COL8A1: variants seen among roughly 807,000 people sequenced by gnomAD.
The protein encoded by COL8A1 is collagen alpha-1(VIII) chain.
Under a neutral mutation model 42.7 loss-of-function variants are expected in COL8A1, and 21 were observed. The observed-to-expected ratio is 0.49, with a 90% CI of 0.35 to 0.71. The LOEUF (loss-of-function observed/expected upper bound fraction) is 0.71, where lower values mean the gene tolerates loss of function less well. COL8A1 is among the 30% of genes least tolerant of loss of function. The probability of loss-of-function intolerance (pLI) is 0.01; values close to 1 mark genes in which losing one functional copy is unlikely to be tolerated. For synonymous variants in COL8A1, 367 were observed against 369.1 expected, an observed-to-expected ratio of 0.99 and a Z score of 0.06; for missense variants, 788 against 962.4, an observed-to-expected ratio of 0.82 and a Z score of 2.40.
chr3:99,659,257 C>T (rs1938126474), intron 1 of COL8A1, among the ~76,000 whole-genome samples: 1 of 152,186 alleles, frequency 6.6e-6, no homozygotes, highest in Non-Finnish European at 1.5e-5. Flanking sequence ...GAAGTTTCAA[C>T]AAGGGTCATG....
intron 2 of COL8A1, among the ~76,000 whole-genome samples, chr3:99,788,677 TAAAG>T (rs1941941861): frequency 6.6e-6 from 1 of 152,170 alleles, no homozygotes; most frequent in South Asian, 2.1e-4. Flanking sequence ...ATGAAGAACT[TAAAG>T]AAATTTGTTT....
chr3:99,654,843 AT>A, intron 1 of COL8A1, among the ~76,000 whole-genome samples: 1 of 152,140 alleles, frequency 6.6e-6, no homozygotes, highest in East Asian at 1.9e-4. Context: ...AGTGGAAGAT[AT>A]TTTAGTTCAT....
chr3:99,795,152 G>A lies in COL8A1; in HGVS notation c.1251G>A (p.Gly417=). ...IGFPGPKGEG[G]IVGPQGPPGP... ...TTCCTGGACCCAAAGGAGAAGGTGGGATTGTAGGGCCACAGGGGCCACCAG... is the reference window on the plus strand; with the variant it reads ...TTCCTGGACCCAAAGGAGAAGGTGGAATTGTAGGGCCACAGGGGCCACCAG... Residue 417 remains glycine, a synonymous_variant, in exon 4 of 4, where the codon GGG becomes GGA. Transcript: ENST00000652472. 6.2e-6 allele frequency: 10 copies of A among 1,613,746 alleles called. No individual in the cohort carries two copies. The highest frequency in any genetic ancestry group is 8.5e-6 in the Non-Finnish European group (10 of 1,179,818).
At chr3:99,766,494 T>C (rs1171198375) in intron 2 of COL8A1, among the ~76,000 whole-genome samples, 2 of 152,270 alleles carry the variant, frequency 1.3e-5, no homozygotes, top group Non-Finnish European at 2.9e-5. Flanking sequence ...TTTTATATTC[T>C]TTCCTCATTA....
intron 2 of COL8A1, among the ~76,000 whole-genome samples, chr3:99,770,367 G>A (rs1323914435): frequency 6.6e-6 from 1 of 152,128 alleles, no homozygotes; most frequent in Non-Finnish European, 1.5e-5. Flanking sequence ...GTATGCCAAG[G>A]TATCATATTG....
intron 1 of COL8A1, among the ~76,000 whole-genome samples, chr3:99,697,089 C>T (rs964531035): frequency 6.8e-6 from 1 of 147,638 alleles, no homozygotes; most frequent in South Asian, 2.2e-4. Flanking sequence ...CGGGTTCACG[C>T]CATTCTCCTG....
rs1460265597 is a variant in COL8A1, at chr3:99,797,233, T to C, written c.*1097T>C. ...TTTGAGGACATTTCTCTGTTTAGCA[T>C]GTATGCAAACTGATATGTAATCTGA... On this transcript the variant is annotated 3_prime_UTR_variant, in exon 4 of 4. Transcript: ENST00000652472. 6.6e-6 allele frequency: 1 copy of C among 152,226 alleles called. No homozygotes were observed. Among genetic ancestry groups the C allele is most frequent in the Non-Finnish European group, 1.5e-5 (1 of 68,038 alleles). 9.4% of individuals were successfully genotyped at this position (152,226 alleles called of 1,614,324 possible).
intron 1 of COL8A1, chr3:99,678,750 T>C (rs1938777279): frequency 6.6e-6 from 1 of 152,198 alleles, no homozygotes; most frequent in East Asian, 1.9e-4. Flanking sequence ...CAAAAATAGT[T>C]ACTAATGTTG....
At position 99,795,507 on chromosome 3, in the gene COL8A1, G is replaced by A. The variant is rs1175177004; in HGVS notation, c.1606G>A (p.Gly536Arg). 2 of 1,588,742 alleles carry A rather than the reference G, an allele frequency of 1.3e-6. No individual in the cohort carries two copies. The highest frequency in any genetic ancestry group is 8.6e-7 in the Non-Finnish European group (1 of 1,167,810). The change falls in exon 4 of 4, where the codon GGA becomes AGA. Residue 536 changes from glycine (G) to arginine (R), a missense_variant. Around this residue, in one of 4 missense-constraint regions of COL8A1, gnomAD observed 154 missense variants for 182.3 expected, o/e 0.84. Coordinates refer to ENST00000652472, the MANE Select transcript of COL8A1 (RefSeq NM_020351.4). ...PPGFPGIGKP[G>R]VAGLHGPPGK... ...TGGGTTCCCTGGTATAGGGAAACCC[G>A]GAGTGGCAGGACTTCATGGCCCCCC... is the stretch of plus-strand genomic sequence containing the variant.
At chr3:99,707,664 T>C (rs529248042) in intron 1 of COL8A1, among the ~76,000 whole-genome samples, 2 of 152,274 alleles carry the variant, frequency 1.3e-5, no homozygotes, top group East Asian at 3.9e-4. Context: ...CCTGCCGAAC[T>C]TGGGGCACTT....
At chr3:99,664,913 T>A (rs1005227505) in intron 1 of COL8A1, among the ~76,000 whole-genome samples, 9 of 152,206 alleles carry the variant, frequency 5.9e-5, no homozygotes, top group African/African-American at 2.2e-4. Flanking sequence ...GCCTCTCCAC[T>A]GCATTTTTCC....
intron 1 of COL8A1, among the ~76,000 whole-genome samples, chr3:99,686,254 T>G (rs974113488): frequency 6.6e-6 from 1 of 152,246 alleles, no homozygotes; most frequent in Non-Finnish European, 1.5e-5. Context: ...TATAATTTAC[T>G]ACAATACACT....
chr3:99,642,059 TGAA>T, intron 1 of COL8A1, among the ~76,000 whole-genome samples: 1 of 152,308 alleles, frequency 6.6e-6, no homozygotes, highest in East Asian at 1.9e-4. Context: ...AAGAATATAA[TGAA>T]GAAGATCTTC....
chr3:99,759,485 C>T (rs761638593), intron 2 of COL8A1, among the ~76,000 whole-genome samples: 17 of 152,256 alleles, frequency 1.1e-4, no homozygotes, highest in Admixed American at 2.0e-4. Flanking sequence ...GGGAAAACTA[C>T]ATAAGGGCTA....
At chr3:99,755,095 G>A (rs1191184355) in intron 2 of COL8A1, among the ~76,000 whole-genome samples, 1 of 152,082 alleles carries the variant, frequency 6.6e-6, no homozygotes, top group Non-Finnish European at 1.5e-5. Context: ...AATTAGGCTA[G>A]ATAAGCTTAT....
intron 1 of COL8A1, among the ~76,000 whole-genome samples, chr3:99,730,751 T>A (rs560296172): frequency 2.0e-5 from 3 of 152,186 alleles, no homozygotes; most frequent in Non-Finnish European, 4.4e-5. Context: ...TGAGTGGTGG[T>A]ACAGTTTTTA....
At chr3:99,665,129 T>A (rs978838276) in intron 1 of COL8A1, among the ~76,000 whole-genome samples, 12 of 152,244 alleles carry the variant, frequency 7.9e-5, no homozygotes, top group Non-Finnish European at 1.8e-4. Context: ...TTTCTCAGAC[T>A]AGAAGTCCAA....
At chr3:99,737,901 A>G (rs1473857525) in intron 1 of COL8A1, among the ~76,000 whole-genome samples, 1 of 150,518 alleles carries the variant, frequency 6.6e-6, no homozygotes, top group African/African-American at 2.4e-5. Context: ...ATAGTCCCAT[A>G]TTTCTTGGAG....
intron 1 of COL8A1, among the ~76,000 whole-genome samples, chr3:99,704,760 A>G (rs1939633031): frequency 6.6e-6 from 1 of 152,180 alleles, no homozygotes; most frequent in African/African-American, 2.4e-5. Flanking sequence ...TATAAAGTGC[A>G]TACTTTGTAA....
Sources: gnomAD v4.1 joint callset for allele counts (sites outside exome capture counted in the v4.1 genomes callset) on GRCh38, gnomAD v4.1.1 for gene constraint, gnomAD v4.1.1 regional missense constraint, MANE v1.5 for transcripts, NCBI Gene and HGNC (gene_info 2026-07-23, HGNC 2026-07-21) for gene names.